The following PRH1 variants were observed in gnomAD, a reference collection of about 807,000 sequenced individuals.
PRH1 encodes the protein proline rich protein HaeIII subfamily 1, also known as salivary acidic proline-rich phosphoprotein 1/2.
PRH1 carries 7 observed loss-of-function variants against 7.9 expected under a neutral mutation model. That is an observed-to-expected ratio of 0.89 (90% CI 0.50 to 1.67). PRH1 has a LOEUF of 1.67. Ranked by LOEUF, PRH1 falls within the 40% of genes most tolerant of loss-of-function variation. The pLI is 0.00. For synonymous variants in PRH1, 45 were observed against 80.8 expected (o/e 0.56, Z 2.38); for missense variants, 109 against 223.6 (o/e 0.49, Z 3.27).
chr12:10,936,878 A>G (rs1056653966), intron 2 of PRH1, among the ~76,000 whole-genome samples: 2 of 152,270 alleles, frequency 1.3e-5, no homozygotes, highest in South Asian at 2.1e-4. Flanking sequence ...AAGTCAGTCC[A>G]TAACAGTCTT....
At chr12:10,986,112 C>G in intron 1 of PRH1, 1 of 1,614,036 alleles carries the variant, frequency 6.2e-7, no homozygotes, top group Middle Eastern at 1.6e-4. Flanking sequence ...CCTAGGACTC[C>G]AAACCGAAAC....
At chr12:11,091,209 C>G (rs1944879401) in intron 1 of PRH1, 1 of 1,039,958 alleles carries the variant, frequency 9.6e-7, no homozygotes, top group African/African-American at 1.8e-5. Context: ...CATACACATA[C>G]AGTATAGAAA....
At chr12:11,021,675 G>A (rs368242992) in intron 1 of PRH1, 281 of 1,608,822 alleles carry the variant, frequency 1.7e-4, no homozygotes, top group Middle Eastern at 3.3e-4. Flanking sequence ...CTTTCACTCA[G>A]CGTGTCATCT....
intron 2 of PRH1, among the ~76,000 whole-genome samples, chr12:10,972,932 A>ACCCCCCCCCCC (rs545868427): frequency 2.0e-4 from 16 of 79,070 alleles, no homozygotes; most frequent in African/African-American, 4.6e-4. Context: ...ACCACAACCC[A>ACCCCCCCCCCC]CCCCCCCCGC....
intron 2 of PRH1, among the ~76,000 whole-genome samples, chr12:10,896,618 T>C (rs910897327): frequency 5.9e-5 from 9 of 151,848 alleles, no homozygotes; most frequent in African/African-American, 2.2e-4. Context: ...AAAAATTAGC[T>C]GGGCTTGGTG....
intron 1 of PRH1, among the ~76,000 whole-genome samples, chr12:11,101,092 A>G (rs1945230062): frequency 6.6e-6 from 1 of 152,194 alleles, no homozygotes; most frequent in Non-Finnish European, 1.5e-5. Flanking sequence ...AAAGGTGTCT[A>G]TCAATCATGG....
At chr12:11,005,372 GT>G (rs1940779261) in intron 1 of PRH1, among the ~76,000 whole-genome samples, 1 of 152,074 alleles carries the variant, frequency 6.6e-6, no homozygotes, top group Non-Finnish European at 1.5e-5. Flanking sequence ...AATGTCAGTT[GT>G]TAGGGAAATT....
intron 1 of PRH1, among the ~76,000 whole-genome samples, chr12:11,042,658 CTCACT>C (rs1942757722): frequency 1.1e-5 from 1 of 87,830 alleles, no homozygotes; most frequent in African/African-American, 5.0e-5. Context: ...GAGGCAGAGT[CTCACT>C]CTGTCACCCA....
intron 2 of PRH1, among the ~76,000 whole-genome samples, chr12:10,942,626 C>A (rs1950421037): frequency 6.6e-6 from 1 of 152,180 alleles, no homozygotes; most frequent in African/African-American, 2.4e-5. Flanking sequence ...TTGCCACAGG[C>A]TACCCACCTC....
chr12:11,030,606 A>G (rs1203677250), intron 1 of PRH1: 1 of 1,614,082 alleles, frequency 6.2e-7, no homozygotes, highest in South Asian at 1.1e-5. Flanking sequence ...ATCATTATGG[A>G]CAGAAAGTAA....
At chr12:11,021,703 A>C (rs72475480) in intron 1 of PRH1, 4 of 1,535,972 alleles carry the variant, frequency 2.6e-6, no homozygotes, top group African/African-American at 2.8e-5. Context: ...AACTGAAAGA[A>C]AGGTCTGTTT....
At chr12:10,997,509 T>C in intron 1 of PRH1, 1 of 1,613,960 alleles carries the variant, frequency 6.2e-7, no homozygotes, top group Non-Finnish European at 8.5e-7. Flanking sequence ...TTAGCCTTCC[T>C]TTTTAAGTGA....
intron 2 of PRH1, among the ~76,000 whole-genome samples, chr12:10,956,199 A>G (rs1937947448): frequency 6.6e-6 from 1 of 152,244 alleles, no homozygotes; most frequent in Non-Finnish European, 1.5e-5. Flanking sequence ...AGTTGAATCC[A>G]GCAGCACATC....
intron 2 of PRH1, chr12:10,931,078 T>C (rs10772391): frequency 0.87 from 1,216,418 of 1,400,572 alleles, 544,672 homozygotes; most frequent in East Asian, 0.96. Flanking sequence ...GATTCAATGA[T>C]AGGTATGATT....
chr12:11,057,418 G>T (rs912444114), intron 1 of PRH1, among the ~76,000 whole-genome samples: 2 of 152,206 alleles, frequency 1.3e-5, no homozygotes, highest in Non-Finnish European at 2.9e-5. Flanking sequence ...AACTGGATAC[G>T]TATGGCAGCT....
chr12:10,933,306 G>A (rs1024992151), intron 2 of PRH1, among the ~76,000 whole-genome samples: 1 of 151,888 alleles, frequency 6.6e-6, no homozygotes, highest in Non-Finnish European at 1.5e-5. Flanking sequence ...AAAATATGAT[G>A]AAATTTAATA....
chr12:11,071,782 T>A (rs75302067), intron 1 of PRH1, among the ~76,000 whole-genome samples: 1 of 151,786 alleles, frequency 6.6e-6, no homozygotes, highest in Non-Finnish European at 1.5e-5. Flanking sequence ...GTGTATGTTA[T>A]TCCTCTGTCA....
intron 1 of PRH1, chr12:11,092,172 C>T (rs1178962398): frequency 2.2e-6 from 3 of 1,356,300 alleles, no homozygotes; most frequent in South Asian, 2.3e-5. Flanking sequence ...GCAAAATTTC[C>T]AATAACAAAT....
At chr12:11,064,513 C>G (rs1286389335) in intron 1 of PRH1, among the ~76,000 whole-genome samples, 1 of 151,916 alleles carries the variant, frequency 6.6e-6, no homozygotes, top group African/African-American at 2.4e-5. Flanking sequence ...TGTATATATA[C>G]CTTTGAGTAG....
Sources: gnomAD v4.1 joint callset for allele counts (sites outside exome capture counted in the v4.1 genomes callset) on GRCh38, gnomAD v4.1.1 for gene constraint, MANE v1.5 for transcripts, NCBI Gene and HGNC (gene_info 2026-07-23, HGNC 2026-07-21) for gene names.